The following ZSCAN22 variants were observed in gnomAD, a reference collection of about 807,000 sequenced individuals.
ZSCAN22 encodes zinc finger and SCAN domain-containing protein 22.
A neutral mutation model predicts 12.4 loss-of-function variants in ZSCAN22; 7 were observed. The observed-to-expected ratio is 0.57, with a 90% CI of 0.32 to 1.06. ZSCAN22 has a LOEUF of 1.06. Among genes scored for constraint, ZSCAN22 ranks in the 50% least tolerant of loss-of-function variants. The pLI is 0.04. For missense variants in ZSCAN22, 576 were observed against 631.7 expected (o/e 0.91, Z 0.94); for synonymous variants, 243 against 255.9 (o/e 0.95, Z 0.48).
intron 2 of ZSCAN22, among the ~76,000 whole-genome samples, chr19:58,337,085 G>A (rs1222867630): frequency 6.6e-6 from 1 of 152,196 alleles, no homozygotes; most frequent in Non-Finnish European, 1.5e-5. Context: ...TGATCTCCAA[G>A]AGCACCTCCG....
At chr19:58,331,701 C>T (rs778660070) in intron 1 of ZSCAN22, among the ~76,000 whole-genome samples, 12 of 151,644 alleles carry the variant, frequency 7.9e-5, no homozygotes, top group Non-Finnish European at 1.3e-4. Flanking sequence ...CACGCCACCA[C>T]GCCCAGCTAA....
chr19:58,328,810 A>C (rs898645296), intron 1 of ZSCAN22, among the ~76,000 whole-genome samples: 3 of 152,158 alleles, frequency 2.0e-5, no homozygotes, highest in Non-Finnish European at 2.9e-5. Flanking sequence ...CCTTCCCCTC[A>C]TGATTCCCTA....
In ZSCAN22 at chr19:58,329,929, G is replaced by C. The variant is rs2051702388; in HGVS notation, c.-52+2815G>C. Among the ~76,000 whole-genome samples, 1 of 152,180 alleles carries C rather than the reference G, an allele frequency of 6.6e-6. No individual in the cohort carries two copies. Among genetic ancestry groups the C allele is most frequent in the Non-Finnish European group, 1.5e-5 (1 of 68,036 alleles). ...GAAATTGGAACCCTCATCCACAACT[G>C]GTGGGAATGCAAAATGGTATAGCCA... On this transcript the variant is annotated intron_variant, in intron 1 of 2. Transcript: ENST00000329665. This position sits in a 1 kb window ranked among gnomAD's most constrained non-coding sequence, Gnocchi z 4.1.
rs2051794918 is a variant in ZSCAN22, at chr19:58,336,155, T to G, written c.403+950T>G. ...GTGACTCCCTTGTGCCTCAGTTTAC[T>G]CATGGGTAAAATGGGGATTGTAATA... On this transcript the variant is annotated intron_variant, in intron 2 of 2. Transcript: ENST00000329665. Among the ~76,000 whole-genome samples, 3 of 152,198 alleles carry G rather than the reference T, an allele frequency of 2.0e-5. No individual in the cohort carries two copies. In the South Asian group the frequency reaches 6.2e-4, roughly 32 times the overall value.
Position 58,334,795 on chromosome 19 carries a change from G to GCTGC in ZSCAN22, c.-6_-3dup. The GCTGC allele has an allele frequency of 6.3e-7, 1 of 1,589,806 alleles. No individual in the cohort carries two copies. Among genetic ancestry groups the GCTGC allele is most frequent in the Non-Finnish European group, 8.6e-7 (1 of 1,165,390 alleles). ...GGCATCCTGTGTCTCACTGAGCACT[G>GCTGC]CTGCCCGATGGCCATCCCCAAGCAC... On this transcript the variant is annotated 5_prime_UTR_variant, in exon 2 of 3. Coordinates refer to ENST00000329665, the MANE Select transcript of ZSCAN22 (RefSeq NM_181846.3).
chr19:58,330,273 A>G (rs1320021721), intron 1 of ZSCAN22, among the ~76,000 whole-genome samples: 2 of 152,144 alleles, frequency 1.3e-5, no homozygotes, highest in Non-Finnish European at 2.9e-5. Flanking sequence ...CTGGGCGACA[A>G]AGCAAGACTC....
In ZSCAN22 at chr19:58,338,846, C is replaced by G; in HGVS notation, c.996C>G (p.Ala332=). 6.2e-7 allele frequency: 1 copy of G among 1,614,076 alleles called. No homozygotes were observed. Among genetic ancestry groups the G allele is most frequent in the Non-Finnish European group, 8.5e-7 (1 of 1,179,920 alleles). The part of the protein sequence containing the change: ...KPHECKECGK[A]FSRVTHLTQH... ...ATGAGTGTAAGGAATGTGGGAAGGC[C>G]TTCAGCCGAGTCACCCACCTGACTC... The change falls in exon 3 of 3, where the codon GCC becomes GCG. Residue 332 remains alanine (A), a synonymous_variant. Transcript: ENST00000329665. The surrounding 1 kb of genome is among the most constrained non-coding windows in gnomAD (Gnocchi z 5.4).
Position 58,338,291 on chromosome 19 carries a change from C to G in ZSCAN22, c.441C>G (p.Cys147Trp), listed in dbSNP as rs1234019959. 6.2e-7 allele frequency: 1 copy of G among 1,607,748 alleles called. No individual in the cohort carries two copies. Among genetic ancestry groups the G allele is most frequent in the East Asian group, 2.2e-5 (1 of 44,674 alleles). ...DPGAEPTEAS[C>W]KQSDLGESEP... ...GAGCCGAGCCCACAGAGGCAAGCTG[C>G]AAGCAGAGTGACCTGGGAGAGTCAG... Residue 147 changes from cysteine to tryptophan, a missense_variant, in exon 3 of 3, where the codon TGC becomes TGG. Transcript: ENST00000329665. This position sits in a 1 kb window ranked among gnomAD's most constrained non-coding sequence, Gnocchi z 5.4.
intron 1 of ZSCAN22, among the ~76,000 whole-genome samples, chr19:58,328,130 C>T (rs1176466583): frequency 1.3e-5 from 2 of 152,150 alleles, no homozygotes; most frequent in Non-Finnish European, 2.9e-5. Flanking sequence ...GGATTATAGG[C>T]ATGAGCCACC....
In ZSCAN22 at chr19:58,339,340, CT is replaced by C. The variant is rs767492586; in HGVS notation, c.*15del. ...GTGCTGCAATGACCGGAAGTCGCCC[CT>C]GGGGGCGTAGCACAGCGTCTTCTCG... On this transcript the variant is annotated 3_prime_UTR_variant, in exon 3 of 3. Transcript: ENST00000329665. The surrounding 1 kb of genome is among the most constrained non-coding windows in gnomAD (Gnocchi z 5.6). The C allele has an allele frequency of 6.3e-7, 1 of 1,578,336 alleles. No homozygotes were observed. The highest frequency in any genetic ancestry group is 1.2e-5 in the South Asian group (1 of 86,228).
Position 58,339,310 on chromosome 19 carries a change from T to A in ZSCAN22, c.1460T>A (p.Ile487Asn), listed in dbSNP as rs2051843123. ...CTGATGGTTCACTTGCGGATCCACA[T>A]CACGGTGCTGCAATGACCGGAAGTC... ...SALMVHLRIH[I>N]TVLQ Residue 487 changes from isoleucine (I) to asparagine (N), a missense_variant, in exon 3 of 3, where the codon ATC (isoleucine) becomes AAC (asparagine). Ile to Asn is a moderately radical substitution (Grantham distance 149, BLOSUM62 -3). Coordinates refer to ENST00000329665, the MANE Select transcript of ZSCAN22 (RefSeq NM_181846.3). This position sits in a 1 kb window ranked among gnomAD's most constrained non-coding sequence, Gnocchi z 5.6. 3.1e-6 allele frequency: 5 copies of A among 1,609,514 alleles called. No individual in the cohort carries two copies. In the East Asian group the frequency reaches 1.1e-4, roughly 36 times the overall value.
chr19:58,335,164 C>A lies in ZSCAN22; in HGVS notation c.362C>A (p.Ala121Asp). The A allele has an allele frequency of 6.2e-7, 1 of 1,611,740 alleles. No homozygotes were observed. Among genetic ancestry groups the A allele is most frequent in the Middle Eastern group, 1.7e-4 (1 of 6,052 alleles). ...AGTCCCAAGAGCGGAGAGGAAGCCG[C>A]TGTGCTGGTGGAGGATCTGACTCAG... ...AQSPKSGEEA[A>D]VLVEDLTQVL... The change falls in exon 2 of 3, where the codon GCT becomes GAT. Residue 121 changes from alanine to aspartate, a missense_variant. Ala to Asp is a moderately radical substitution (Grantham distance 126). Transcript: ENST00000329665. This position sits in a 1 kb window ranked among gnomAD's most constrained non-coding sequence, Gnocchi z 4.1.
At position 58,329,619 on chromosome 19, in the gene ZSCAN22, A is replaced by T. The variant is rs2051698932; in HGVS notation, c.-52+2505A>T. On this transcript the variant is annotated intron_variant, in intron 1 of 2. Transcript: ENST00000329665. The surrounding 1 kb of genome is among the most constrained non-coding windows in gnomAD (Gnocchi z 4.1). ...CACCCCTCATCTTCAGTTTTGGTGAATATAGTACAATAAAATATTTTGAGA... is the reference window on the plus strand; with the variant it reads ...CACCCCTCATCTTCAGTTTTGGTGATTATAGTACAATAAAATATTTTGAGA... Among the ~76,000 whole-genome samples, 1 of 152,234 alleles carries T rather than the reference A, an allele frequency of 6.6e-6. No individual in the cohort carries two copies. Among genetic ancestry groups the T allele is most frequent in the Admixed American group, 6.5e-5 (1 of 15,288 alleles).
At chr19:58,330,002 C>T (rs1302117301) in intron 1 of ZSCAN22, among the ~76,000 whole-genome samples, 1 of 152,186 alleles carries the variant, frequency 6.6e-6, no homozygotes. Context: ...GCATTGCCTA[C>T]ATGCGGCCAG....
chr19:58,329,369 G>A lies in ZSCAN22; in HGVS notation c.-52+2255G>A, dbSNP rs1472080859. On this transcript the variant is annotated intron_variant, in intron 1 of 2. Transcript: ENST00000329665. The surrounding 1 kb of genome is among the most constrained non-coding windows in gnomAD (Gnocchi z 4.1). ...TCCAGGCACACTGAGCGTCCTGGCTGACATTGAAGGAAAGGAAAAAGAACT... is the reference window on the plus strand; with the variant it reads ...TCCAGGCACACTGAGCGTCCTGGCTAACATTGAAGGAAAGGAAAAAGAACT... Among the ~76,000 whole-genome samples, 16 of 152,224 alleles carry A rather than the reference G, an allele frequency of 1.1e-4. No individual in the cohort carries two copies.
intron 1 of ZSCAN22, among the ~76,000 whole-genome samples, chr19:58,330,529 T>G (rs540523852): frequency 6.6e-6 from 1 of 152,330 alleles, no homozygotes; most frequent in Non-Finnish European, 1.5e-5. Context: ...CATTCAGTGC[T>G]CACAGTTCTA....
rs936550374 is a variant in ZSCAN22, at chr19:58,339,389, C to T, written c.*63C>T. The T allele has an allele frequency of 4.0e-5, 58 of 1,436,310 alleles. No homozygotes were observed. The highest frequency in any genetic ancestry group is 7.1e-5 in the African/African-American group (5 of 70,246). The allele number at this position is 1,436,310 out of a possible 1,614,324, so 89.0% of individuals were successfully genotyped here. ...TCGGAGGCTCGAGGTCTAAGAGAAACGCTGAGTTCCTGAAGAGCCACAGAC... is the reference window on the plus strand; with the variant it reads ...TCGGAGGCTCGAGGTCTAAGAGAAATGCTGAGTTCCTGAAGAGCCACAGAC... On this transcript the variant is annotated 3_prime_UTR_variant, in exon 3 of 3. Transcript: ENST00000329665. This position sits in a 1 kb window ranked among gnomAD's most constrained non-coding sequence, Gnocchi z 5.6.
rs1241669873 is a variant in ZSCAN22, at chr19:58,329,801, G to A, written c.-52+2687G>A. 1.3e-5 allele frequency among the ~76,000 whole-genome samples: 2 copies of A among 152,174 alleles called. No homozygotes were observed. Among genetic ancestry groups the A allele is most frequent in the Non-Finnish European group, 2.9e-5 (2 of 68,036 alleles). Reference sequence around the variant, plus strand: ...AAAAATATAGAATATATAAGGTTCAGTAATATCCATGGTTTCAGGCATCCA... The same window carrying A: ...AAAAATATAGAATATATAAGGTTCAATAATATCCATGGTTTCAGGCATCCA... On this transcript the variant is annotated intron_variant, in intron 1 of 2. Coordinates refer to ENST00000329665, the MANE Select transcript of ZSCAN22 (RefSeq NM_181846.3). The surrounding 1 kb of genome is among the most constrained non-coding windows in gnomAD (Gnocchi z 4.1).
At chr19:58,334,694 G>T in intron 1 of ZSCAN22, 58 bp from the exon 2 acceptor site, 7 of 1,267,156 alleles carry the variant, frequency 5.5e-6, no homozygotes, top group Non-Finnish European at 6.4e-6. Context: ...TCCCTGCTCT[G>T]TAGGCATGAG....
Sources: allele counts gnomAD v4.1 joint callset (sites outside exome capture counted in the v4.1 genomes callset), GRCh38; gene constraint gnomAD v4.1.1; non-coding constraint Gnocchi (gnomAD v3.1); transcripts MANE v1.5; gene names NCBI Gene and HGNC (gene_info 2026-07-23, HGNC 2026-07-21).